Variants in LHFPL2 observed in about 807,000 individuals in gnomAD.
LHFPL2 encodes LHFPL tetraspan subfamily member 2 protein.
Under a neutral mutation model 17.5 loss-of-function variants are expected in LHFPL2, and 7 were observed. The observed-to-expected ratio is 0.40, with a 90% CI of 0.23 to 0.75. LHFPL2 has a LOEUF of 0.75. Among genes scored for constraint, LHFPL2 ranks in the 30% least tolerant of loss-of-function variants. The pLI, the probability that LHFPL2 is intolerant of heterozygous loss-of-function variation, is 0.37. For missense variants in LHFPL2, 241 were observed against 294.8 expected (o/e 0.82, Z 1.34); for synonymous variants, 134 against 116.2 (o/e 1.15, Z -0.99).
chr5:78,610,219 C>A (rs1744370743), intron 2 of LHFPL2, among the ~76,000 whole-genome samples: 1 of 152,204 alleles, frequency 6.6e-6, no homozygotes, highest in African/African-American at 2.4e-5. Context: ...TGGGTGGACT[C>A]TGGGTCCCAC....
At chr5:78,578,209 A>G (rs931133162) in intron 2 of LHFPL2, among the ~76,000 whole-genome samples, 2 of 152,250 alleles carry the variant, frequency 1.3e-5, no homozygotes, top group Admixed American at 6.5e-5. Flanking sequence ...TAGAGGATCA[A>G]TGTAAAGATA....
At chr5:78,492,105 G>A (rs956620863) in intron 4 of LHFPL2, among the ~76,000 whole-genome samples, 7 of 152,052 alleles carry the variant, frequency 4.6e-5, no homozygotes, top group Non-Finnish European at 7.4e-5. Context: ...CTCCCTCCAG[G>A]TCCTAAGGTG....
At chr5:78,522,448 A>G (rs1476976961) in intron 3 of LHFPL2, among the ~76,000 whole-genome samples, 1 of 152,178 alleles carries the variant, frequency 6.6e-6, no homozygotes, top group Non-Finnish European at 1.5e-5. Context: ...AAAATAAAAA[A>G]AAAATTTTAA....
chr5:78,542,920 G>T (rs1276602388), intron 3 of LHFPL2, among the ~76,000 whole-genome samples: 2 of 152,104 alleles, frequency 1.3e-5, no homozygotes, highest in Non-Finnish European at 2.9e-5. Context: ...AGATAGTGAG[G>T]GTAAAAGAGT....
rs893188143 is a variant in LHFPL2, at chr5:78,529,252, C to T, written c.-185-18854G>A. Among the ~76,000 whole-genome samples the T allele has an allele frequency of 3.3e-5, 5 of 152,320 alleles. No homozygotes were observed. The East Asian group carries it at 9.6e-4, about 29-fold the overall frequency. On this transcript the variant is annotated intron_variant, in intron 3 of 4. Transcript: ENST00000380345. ...AGTGAGCGATGATTGTGCCACTACA[C>T]TCCAGCCTGAGCAACAGAGTGAGGA...
rs79602846 is a variant in LHFPL2, at chr5:78,597,376, C to T, written c.-244-32505G>A. Among the ~76,000 whole-genome samples the T allele has an allele frequency of 9.3e-3, 1,423 of 152,252 alleles. 27 individuals are homozygous for T. Among genetic ancestry groups the T allele is most frequent in the African/African-American group, 0.032 (1,335 of 41,538 alleles). On this transcript the variant is annotated intron_variant, in intron 2 of 4. Coordinates refer to ENST00000380345, the MANE Select transcript of LHFPL2 (RefSeq NM_005779.3). ...GTTTTTTCCACTTAGGAAACTAACA[C>T]AAGTTTTTCTAATTTTTTCCCAAAC...
intron 4 of LHFPL2, among the ~76,000 whole-genome samples, chr5:78,506,088 CA>C (rs1754923430): frequency 6.6e-6 from 1 of 152,248 alleles, no homozygotes; most frequent in Non-Finnish European, 1.5e-5. Context: ...TCTGGATTCA[CA>C]TAACAGGCAA....
intron 1 of LHFPL2, among the ~76,000 whole-genome samples, chr5:78,637,692 T>C (rs890702099): frequency 6.6e-6 from 1 of 152,226 alleles, no homozygotes; most frequent in African/African-American, 2.4e-5. Context: ...TCCAGTTTAA[T>C]GTGAGGCCTT....
intron 2 of LHFPL2, among the ~76,000 whole-genome samples, chr5:78,603,698 G>T (rs1338530186): frequency 7.3e-6 from 1 of 136,470 alleles, no homozygotes; most frequent in East Asian, 2.1e-4. Flanking sequence ...TGGGAAACAA[G>T]CAAGACCCTA....
chr5:78,620,005 C>A (rs1437631651), intron 2 of LHFPL2, among the ~76,000 whole-genome samples: 6 of 111,404 alleles, frequency 5.4e-5, no homozygotes, highest in Non-Finnish European at 1.1e-4. Flanking sequence ...ATTTATAGTC[C>A]TTTGGGTATA....
At chr5:78,546,013 G>A (rs1756259636) in intron 3 of LHFPL2, among the ~76,000 whole-genome samples, 1 of 152,124 alleles carries the variant, frequency 6.6e-6, no homozygotes, top group Non-Finnish European at 1.5e-5. Flanking sequence ...CTGTGCAAAA[G>A]TTGCTCTCCT....
chr5:78,549,185 C>T (rs1756370147), intron 3 of LHFPL2: 1 of 152,214 alleles, frequency 6.6e-6, no homozygotes, highest in Non-Finnish European at 1.5e-5. Context: ...ACAGGGGAAC[C>T]TTGGCTCTCC....
chr5:78,575,061 C>T (rs1757094441), intron 2 of LHFPL2, among the ~76,000 whole-genome samples: 1 of 152,178 alleles, frequency 6.6e-6, no homozygotes, highest in African/African-American at 2.4e-5. Flanking sequence ...ACACTGCTTC[C>T]TAATCCTGTG....
chr5:78,570,216 C>T (rs1756959464), intron 2 of LHFPL2, among the ~76,000 whole-genome samples: 1 of 152,194 alleles, frequency 6.6e-6, no homozygotes, highest in Non-Finnish European at 1.5e-5. Context: ...ACAAAAGGAT[C>T]ATTGCCCTAT....
chr5:78,497,631 C>G (rs1754648534), intron 4 of LHFPL2, among the ~76,000 whole-genome samples: 1 of 152,222 alleles, frequency 6.6e-6, no homozygotes, highest in Non-Finnish European at 1.5e-5. Flanking sequence ...GATTATATTA[C>G]ATTTTTAAAC....
intron 3 of LHFPL2, among the ~76,000 whole-genome samples, chr5:78,534,440 C>T (rs1419093428): frequency 6.6e-6 from 1 of 152,248 alleles, no homozygotes; most frequent in African/African-American, 2.4e-5. Context: ...GGGCTGTGAG[C>T]AAGGGAGCGG....
chr5:78,586,065 T>C (rs1358942728), intron 2 of LHFPL2, among the ~76,000 whole-genome samples: 1 of 152,178 alleles, frequency 6.6e-6, no homozygotes, highest in Non-Finnish European at 1.5e-5. Flanking sequence ...AAGTTCAAAT[T>C]CTTGGGTTTA....
Position 78,486,203 on chromosome 5 carries a change from C to CAATT in LHFPL2, c.*2690_*2693dup, listed in dbSNP as rs1234999994. ...TGAAAACTATACAAAAACCCTTATA[C>CAATT]AATTAATGCAACATTGTTTGAATTA... On this transcript the variant is annotated 3_prime_UTR_variant, in exon 5 of 5. Coordinates refer to ENST00000380345, the MANE Select transcript of LHFPL2 (RefSeq NM_005779.3). The CAATT allele has an allele frequency of 1.3e-5, 2 of 152,614 alleles. No individual in the cohort carries two copies. The allele number at this position is 152,614 out of a possible 1,614,324, so 9.5% of individuals were successfully genotyped here.
Position 78,533,642 on chromosome 5 carries a change from G to C in LHFPL2, c.-185-23244C>G, listed in dbSNP as rs538328587. On this transcript the variant is annotated intron_variant, in intron 3 of 4. Transcript: ENST00000380345. ...ACCCTTTTAAGCAGAAGAAAAGCAAGCATCATTTACATTTCTGCCTGCTTG... is the reference window on the plus strand; with the variant it reads ...ACCCTTTTAAGCAGAAGAAAAGCAACCATCATTTACATTTCTGCCTGCTTG... Among the ~76,000 whole-genome samples the C allele has an allele frequency of 2.0e-5, 3 of 152,220 alleles. No individual in the cohort carries two copies. The South Asian group carries it at 6.2e-4, about 32-fold the overall frequency.
Sources: allele counts gnomAD v4.1 joint callset (sites outside exome capture counted in the v4.1 genomes callset), GRCh38; gene constraint gnomAD v4.1.1; transcripts MANE v1.5; gene names NCBI Gene and HGNC (gene_info 2026-07-23, HGNC 2026-07-21).